STK33: variants seen among roughly 807,000 people sequenced by gnomAD.
STK33 encodes the protein serine/threonine kinase 33, also known as serine/threonine-protein kinase 33.
STK33 carries 52 observed loss-of-function variants against 58.0 expected under a neutral mutation model. The observed-to-expected ratio is 0.90, with a 90% CI of 0.72 to 1.13. The LOEUF (loss-of-function observed/expected upper bound fraction) is 1.13. Ranked by LOEUF, STK33 falls within the 50% of genes most tolerant of loss-of-function variation. The pLI, the probability that STK33 is intolerant of heterozygous loss-of-function variation, is 0.00. For missense variants in STK33, 630 were observed against 604.2 expected, an observed-to-expected ratio of 1.04 and a Z score of -0.45; for synonymous variants, 215 against 200.1, an observed-to-expected ratio of 1.07 and a Z score of -0.63.
chr11:8,338,893 A>C, the STK33 span, among the ~76,000 whole-genome samples: 2 of 152,110 alleles, frequency 1.3e-5, no homozygotes, highest in Non-Finnish European at 2.9e-5. Flanking sequence ...GGCTCCAAGT[A>C]AGTTCTTAGT....
chr11:8,514,801 A>AT (rs1460924370), intron 1 of STK33, among the ~76,000 whole-genome samples: 1 of 152,200 alleles, frequency 6.6e-6, no homozygotes, highest in African/African-American at 2.4e-5. Flanking sequence ...AAACAATTTA[A>AT]TTTTTTTAAA....
chr11:8,515,687 A>C (rs1952713848), intron 1 of STK33, among the ~76,000 whole-genome samples: 1 of 152,210 alleles, frequency 6.6e-6, no homozygotes, highest in African/African-American at 2.4e-5. Flanking sequence ...ACACATGAAA[A>C]CCAATCAATG....
intron 1 of STK33, among the ~76,000 whole-genome samples, chr11:8,553,230 G>A (rs28810471): frequency 1.4e-3 from 100 of 71,118 alleles, no homozygotes; most frequent in Non-Finnish European, 1.6e-3. Context: ...TATATGGTGT[G>A]TATATATATA....
At chr11:8,398,158 G>C (rs1389535559) in intron 15 of STK33, among the ~76,000 whole-genome samples, 1 of 152,144 alleles carries the variant, frequency 6.6e-6, no homozygotes, top group Non-Finnish European at 1.5e-5. Flanking sequence ...ACACATAATT[G>C]TCAGATTCAC....
At chr11:8,370,782 T>G in the STK33 span, among the ~76,000 whole-genome samples, 1 of 152,150 alleles carries the variant, frequency 6.6e-6, no homozygotes, top group Non-Finnish European at 1.5e-5. Context: ...ACTGCCAACC[T>G]AGGCTCTCTT....
chr11:8,536,057 T>C (rs1029624347), intron 1 of STK33, among the ~76,000 whole-genome samples: 2 of 152,004 alleles, frequency 1.3e-5, no homozygotes, highest in African/African-American at 4.8e-5. Flanking sequence ...TTTGATCACA[T>C]GGAGGTACAG....
At chr11:8,465,154 T>C (rs911837671) in intron 6 of STK33, 1 of 181,060 alleles carries the variant, frequency 5.5e-6, no homozygotes, top group Non-Finnish European at 1.1e-5. Flanking sequence ...AGAAATGATT[T>C]ATATATATAC....
intron 12 of STK33, among the ~76,000 whole-genome samples, chr11:8,439,975 C>T (rs982084144): frequency 2.7e-5 from 4 of 148,442 alleles, no homozygotes; most frequent in Admixed American, 6.8e-5. Flanking sequence ...CTGGCAGCAA[C>T]GTGAAGGACA....
At chr11:8,431,152 A>C (rs1456866832) in intron 14 of STK33, among the ~76,000 whole-genome samples, 1 of 152,108 alleles carries the variant, frequency 6.6e-6, no homozygotes, top group Non-Finnish European at 1.5e-5. Flanking sequence ...AGCGTGACCC[A>C]CCGCACCCGG....
At chr11:8,552,816 A>C (rs1426109443) in intron 1 of STK33, among the ~76,000 whole-genome samples, 1 of 152,008 alleles carries the variant, frequency 6.6e-6, no homozygotes, top group African/African-American at 2.4e-5. Context: ...TTAACAGTTA[A>C]CTTTTTTTAA....
intron 1 of STK33, among the ~76,000 whole-genome samples, chr11:8,584,641 T>A (rs116866927): frequency 0.055 from 8,426 of 152,208 alleles, 299 homozygotes; most frequent in Non-Finnish European, 0.071. Context: ...GGCGCCTTCC[T>A]CCTTATGCCT....
At chr11:8,462,121 A>G (rs969171050) in intron 7 of STK33, among the ~76,000 whole-genome samples, 1 of 151,880 alleles carries the variant, frequency 6.6e-6, no homozygotes, top group African/African-American at 2.4e-5. Flanking sequence ...CCTTTGTCCA[A>G]TTTTAAGTTA....
Position 8,549,410 on chromosome 11 carries a change from T to C in STK33, c.-466+44673A>G, listed in dbSNP as rs935377812. Among the ~76,000 whole-genome samples, 17 of 152,244 alleles carry C rather than the reference T, an allele frequency of 1.1e-4. No homozygotes were observed. The East Asian group carries it at 3.3e-3, about 29-fold the overall frequency. ...TGAAGATTTCTGCATCTATGTTCAT[T>C]GGGGATATTGGCCTGTAGTTTTCTG... On this transcript the variant is annotated intron_variant, in intron 1 of 15. Coordinates refer to ENST00000687296, the MANE Select transcript of STK33 (RefSeq NM_001352389.2).
chr11:8,568,264 G>A, intron 1 of STK33, among the ~76,000 whole-genome samples: 1 of 152,194 alleles, frequency 6.6e-6, no homozygotes, highest in East Asian at 1.9e-4. Context: ...TTGCAATTCA[G>A]TTATTCAATG....
chr11:8,354,412 C>G, the STK33 span, among the ~76,000 whole-genome samples: 2 of 151,252 alleles, frequency 1.3e-5, no homozygotes, highest in East Asian at 3.9e-4. Context: ...GGTGCTCATA[C>G]TCAGAGCTAG....
chr11:8,435,845 T>C (rs914360759), intron 13 of STK33, among the ~76,000 whole-genome samples, 182 bp downstream of exon 13: 1 of 152,186 alleles, frequency 6.6e-6, no homozygotes, highest in East Asian at 1.9e-4. Context: ...GTATTTTCCG[T>C]TTTTGAAAGT....
At chr11:8,532,356 TTATC>T (rs1954621704) in intron 1 of STK33, among the ~76,000 whole-genome samples, 1 of 152,354 alleles carries the variant, frequency 6.6e-6, no homozygotes, top group East Asian at 1.9e-4. Flanking sequence ...CATTCACTTA[TTATC>T]TATCTTTGCT....
the STK33 span, among the ~76,000 whole-genome samples, chr11:8,375,161 T>C: frequency 6.6e-6 from 1 of 152,254 alleles, no homozygotes; most frequent in South Asian, 2.1e-4. Context: ...TTAATTAATG[T>C]TACTCTTGTC....
At chr11:8,591,099 G>A (rs972438781) in intron 1 of STK33, among the ~76,000 whole-genome samples, 4 of 152,144 alleles carry the variant, frequency 2.6e-5, no homozygotes, top group Admixed American at 2.0e-4. Context: ...CTTCTACAAC[G>A]TGTGACAGAT....
Sources: gnomAD v4.1 joint callset for allele counts (sites outside exome capture counted in the v4.1 genomes callset) on GRCh38, gnomAD v4.1.1 for gene constraint, MANE v1.5 for transcripts, NCBI Gene and HGNC (gene_info 2026-07-23, HGNC 2026-07-21) for gene names.